The following PTPN11 variants were observed in gnomAD, a reference collection of about 807,000 sequenced individuals.
PTPN11 encodes the protein tyrosine-protein phosphatase non-receptor type 11.
Under a neutral mutation model 78.8 loss-of-function variants are expected in PTPN11, and 6 were observed. That is an observed-to-expected ratio of 0.08 (90% confidence interval 0.04 to 0.15). The LOEUF is 0.15. PTPN11 is among the 10% of genes least tolerant of loss of function. The pLI is 1.00. For missense variants in PTPN11, 386 were observed against 744.8 expected (o/e 0.52, Z 5.61); for synonymous variants, 221 against 263.5 (o/e 0.84, Z 1.56).
At chr12:112,440,770 T>C (rs2135848350) in intron 1 of PTPN11, among the ~76,000 whole-genome samples, 1 of 150,702 alleles carries the variant, frequency 6.6e-6, no homozygotes, top group South Asian at 2.1e-4. Flanking sequence ...GATGAGGTTT[T>C]GCCATGTTGC....
chr12:112,502,114 C>T (rs2038881147), intron 13 of PTPN11, 30 bp from the exon 14 acceptor site: 3 of 1,517,994 alleles, frequency 2.0e-6, no homozygotes, highest in Non-Finnish European at 9.1e-7. Context: ...TAACCATTGT[C>T]CCTCACATGT....
At chr12:112,430,672 G>A (rs1038328762) in intron 1 of PTPN11, among the ~76,000 whole-genome samples, 3 of 151,408 alleles carry the variant, frequency 2.0e-5, no homozygotes, top group South Asian at 2.1e-4. Flanking sequence ...CTTTGACCTC[G>A]CTTCAGCCTT....
At chr12:112,476,017 C>G (rs2038496119) in intron 7 of PTPN11, among the ~76,000 whole-genome samples, 1 of 152,042 alleles carries the variant, frequency 6.6e-6, no homozygotes. Flanking sequence ...GTTGCCCAGG[C>G]TGGTCTTGAC....
At chr12:112,434,290 A>C (rs1210598316) in intron 1 of PTPN11, among the ~76,000 whole-genome samples, 6 of 151,394 alleles carry the variant, frequency 4.0e-5, no homozygotes, top group African/African-American at 7.3e-5. Flanking sequence ...TAAAAACAAC[A>C]ACCAAAAAAA....
chr12:112,419,542 G>A (rs757201442), intron 1 of PTPN11, among the ~76,000 whole-genome samples: 3 of 152,222 alleles, frequency 2.0e-5, no homozygotes, highest in Non-Finnish European at 4.4e-5. Context: ...AGTTGCGCGG[G>A]GCCGGGCCCC....
At chr12:112,488,422 T>G in intron 11 of PTPN11, 21 bp from the exon 12 acceptor site, 1 of 1,596,942 alleles carries the variant, frequency 6.3e-7, no homozygotes, top group Non-Finnish European at 8.6e-7. Context: ...TTGTCCCTGC[T>G]TTTTGTCCTT....
intron 1 of PTPN11, among the ~76,000 whole-genome samples, chr12:112,441,032 T>G (rs2135848767): frequency 6.6e-6 from 1 of 150,384 alleles, no homozygotes; most frequent in Non-Finnish European, 1.5e-5. Flanking sequence ...GGTGGCGATC[T>G]TGGCTCACCG....
intron 1 of PTPN11, among the ~76,000 whole-genome samples, chr12:112,441,978 T>C (rs901308824): frequency 4.3e-4 from 65 of 151,768 alleles, no homozygotes; most frequent in African/African-American, 1.2e-3. Context: ...GGGGTTTCAC[T>C]GTGTTAGCCA....
chr12:112,472,875 T>C lies in PTPN11; in HGVS notation c.757-69T>C, dbSNP rs150087259. 1,352 of 1,201,706 alleles carry C rather than the reference T, an allele frequency of 1.1e-3. 13 individuals are homozygous for C. In the African/African-American group the frequency reaches 0.014, roughly 13 times the overall value. 74.4% of individuals were successfully genotyped at this position (1,201,706 alleles called of 1,614,324 possible). A position where few individuals can be genotyped will look rare whatever the true frequency, so the allele number is the denominator to read the frequency against. ...GATGAATTCCTTAAAGAAGTAATGC[T>C]GATCCAGGCTTTTTTCTTTTTCTGT... On this transcript the variant is annotated intron_variant, in intron 6 of 15. Transcript: ENST00000351677.
intron 1 of PTPN11, among the ~76,000 whole-genome samples, chr12:112,445,041 A>ATGTGTGTGTGTGTGTATATATATATG (rs1416625802): frequency 1.3e-5 from 2 of 151,698 alleles, no homozygotes; most frequent in Non-Finnish European, 2.9e-5. Context: ...GACCTAGGAA[A>ATGTGTGTGTGTGTGTATATATATATG]TGTGTGTGTG....
chr12:112,478,504 GGTTT>G (rs2038545480), intron 9 of PTPN11, among the ~76,000 whole-genome samples: 2 of 152,030 alleles, frequency 1.3e-5, no homozygotes, highest in South Asian at 4.2e-4. Context: ...ACTGATACTT[GGTTT>G]ATTTTATTCA....
chr12:112,430,387 C>A (rs1033361846), intron 1 of PTPN11, among the ~76,000 whole-genome samples: 2 of 152,030 alleles, frequency 1.3e-5, no homozygotes, highest in African/African-American at 4.8e-5. Context: ...GATAAATCAT[C>A]TTTTTAATTT....
chr12:112,449,379 C>T (rs1257692217), intron 2 of PTPN11, among the ~76,000 whole-genome samples: 3 of 151,378 alleles, frequency 2.0e-5, no homozygotes, highest in Non-Finnish European at 4.4e-5. Context: ...TCGTGGCGGG[C>T]GCCTGTAGTC....
chr12:112,488,096 T>A (rs1413672522), intron 11 of PTPN11, among the ~76,000 whole-genome samples: 1 of 152,116 alleles, frequency 6.6e-6, no homozygotes, highest in Non-Finnish European at 1.5e-5. Flanking sequence ...CTTTCAGTAA[T>A]TTTGATGTAT....
chr12:112,484,255 T>G (rs2038640293), intron 10 of PTPN11, among the ~76,000 whole-genome samples: 1 of 152,162 alleles, frequency 6.6e-6, no homozygotes, highest in South Asian at 2.1e-4. Flanking sequence ...GTCCAGAAAT[T>G]TCTGTGCTGT....
intron 6 of PTPN11, among the ~76,000 whole-genome samples, chr12:112,462,765 T>A (rs1014103485): frequency 2.0e-5 from 3 of 152,188 alleles, no homozygotes; most frequent in African/African-American, 7.2e-5. Context: ...ATAGTCTTCA[T>A]TCTTTTTTTA....
intron 1 of PTPN11, among the ~76,000 whole-genome samples, chr12:112,424,956 TTGTGTGTG>T (rs34463047): frequency 0.018 from 1,579 of 88,820 alleles, 18 homozygotes; most frequent in East Asian, 0.04. Flanking sequence ...GTCAGGCTAA[TTGTGTGTG>T]TGTGTGTGTG....
rs552982825 is a variant in PTPN11 at position 112,455,712 on chromosome 12, G to C, written c.643-238G>C. On this transcript the variant is annotated intron_variant, in intron 5 of 15. Transcript: ENST00000351677. ...TCTATTCATAAAGAAAAATAGGCTT[G>C]AATTTATATCAGCAGAGTAAAGTGT... 3.9e-5 allele frequency among the ~76,000 whole-genome samples: 6 copies of C among 152,254 alleles called. No individual in the cohort carries two copies. In the South Asian group the frequency reaches 1.2e-3, roughly 32 times the overall value.
At chr12:112,472,840 C>A (rs1252275037) in intron 6 of PTPN11, 104 bp from the exon 7 acceptor site, 8 of 964,792 alleles carry the variant, frequency 8.3e-6, no homozygotes, top group Non-Finnish European at 1.3e-5. Context: ...CAATTCTGAA[C>A]ATTTCCTAGG....
Sources: allele counts gnomAD v4.1 joint callset (sites outside exome capture counted in the v4.1 genomes callset), GRCh38; gene constraint gnomAD v4.1.1; transcripts MANE v1.5; gene names NCBI Gene and HGNC (gene_info 2026-07-23, HGNC 2026-07-21).